Variants in RBM20 observed in about 807,000 individuals in gnomAD.
RBM20 encodes RNA binding motif protein 20, also known as RNA-binding protein 20.
RBM20 carries 51 observed loss-of-function variants against 110.1 expected under a neutral mutation model. The observed-to-expected ratio is 0.46, with a 90% CI of 0.37 to 0.59. RBM20 has a LOEUF of 0.59. RBM20 is among the 20% of genes least tolerant of loss of function. The pLI is 0.00. For missense variants in RBM20, 1,512 were observed against 1,574.9 expected (o/e 0.96, Z 0.68); for synonymous variants, 589 against 618.2 (o/e 0.95, Z 0.70).
chr10:110,819,647 C>G (rs1161019223), intron 9 of RBM20, among the ~76,000 whole-genome samples: 1 of 152,152 alleles, frequency 6.6e-6, no homozygotes, highest in Non-Finnish European at 1.5e-5. Context: ...CTATAAGTGT[C>G]CTGAATGATT....
At chr10:110,764,593 C>A (rs141826143) in intron 1 of RBM20, among the ~76,000 whole-genome samples, 3 of 152,366 alleles carry the variant, frequency 2.0e-5, no homozygotes, top group East Asian at 3.9e-4. Context: ...CGTGCTCAGG[C>A]ACTGCTCTTT....
intron 1 of RBM20, among the ~76,000 whole-genome samples, chr10:110,702,991 G>GTTTTTTTTTTTT (rs11309120): frequency 8.0e-6 from 1 of 125,214 alleles, no homozygotes; most frequent in African/African-American, 2.8e-5. Context: ...TTTTTTTCTT[G>GTTTTTTTTTTTT]TTTTTTTTTT....
chr10:110,808,554 T>A (rs985728437), intron 7 of RBM20, among the ~76,000 whole-genome samples: 1 of 152,208 alleles, frequency 6.6e-6, no homozygotes, highest in African/African-American at 2.4e-5. Context: ...AATGGGGGAT[T>A]GGCTGACTTC....
At chr10:110,677,909 C>A (rs1319955137) in intron 1 of RBM20, among the ~76,000 whole-genome samples, 1 of 152,124 alleles carries the variant, frequency 6.6e-6, no homozygotes, top group Non-Finnish European at 1.5e-5. Context: ...GATGTTGCTC[C>A]TTCACAGCTT....
At chr10:110,746,649 G>C (rs1336112303) in intron 1 of RBM20, among the ~76,000 whole-genome samples, 1 of 152,226 alleles carries the variant, frequency 6.6e-6, no homozygotes, top group African/African-American at 2.4e-5. Context: ...TGCACAGCTG[G>C]ATTGGGAGCA....
chr10:110,644,607 G>A lies in RBM20; in HGVS notation c.153G>A (p.Pro51=). The A allele has an allele frequency of 9.2e-7, 1 of 1,091,300 alleles. No individual in the cohort carries two copies. The allele number at this position is 1,091,300 out of a possible 1,614,324, so 67.6% of individuals were successfully genotyped here. ...AGCCGCCGCCGCCGCCCCAGCCACCGCCCCCGCCCCAAGCCGGCCTACCCC... is the reference window on the plus strand; with the variant it reads ...AGCCGCCGCCGCCGCCCCAGCCACCACCCCCGCCCCAAGCCGGCCTACCCC... The part of the protein sequence containing the change: ...MQQPPPPPQP[P]PPPQAGLPQI... Residue 51 remains proline (P), a synonymous_variant, in exon 1 of 14, where the codon CCG becomes CCA. Transcript: ENST00000369519. The surrounding 1 kb of genome is among the most constrained non-coding windows in gnomAD (Gnocchi z 4.3).
At chr10:110,726,027 C>T (rs1311852838) in intron 1 of RBM20, among the ~76,000 whole-genome samples, 4 of 151,934 alleles carry the variant, frequency 2.6e-5, no homozygotes, top group Non-Finnish European at 4.4e-5. Flanking sequence ...CTGACTGCCC[C>T]ATCTGCCCAC....
intron 1 of RBM20, among the ~76,000 whole-genome samples, chr10:110,770,149 T>G (rs990725441): frequency 5.9e-5 from 9 of 152,178 alleles, no homozygotes; most frequent in African/African-American, 1.7e-4. Flanking sequence ...CCCCAGATCT[T>G]CCGAGTCAGA....
chr10:110,712,119 A>C lies in RBM20; in HGVS notation c.191+67474A>C, dbSNP rs139780016. ...AATTGAATTATCATATATTTTAATT[A>C]AGATCATGTTTTATATTATTTTGTG... On this transcript the variant is annotated intron_variant, in intron 1 of 13. Transcript: ENST00000369519. 2.9e-3 allele frequency among the ~76,000 whole-genome samples: 435 copies of C among 152,350 alleles called. 6 individuals are homozygous for C. The highest frequency in any genetic ancestry group is 9.6e-3 in the African/African-American group (401 of 41,580).
chr10:110,733,985 G>C (rs1336541685), intron 1 of RBM20, among the ~76,000 whole-genome samples: 1 of 152,002 alleles, frequency 6.6e-6, no homozygotes, highest in East Asian at 1.9e-4. Flanking sequence ...GCGAATGTCT[G>C]TTAGCCACAT....
At chr10:110,811,505 G>A (rs1020554047) in intron 8 of RBM20, among the ~76,000 whole-genome samples, 4 of 152,076 alleles carry the variant, frequency 2.6e-5, no homozygotes, top group African/African-American at 7.2e-5. Context: ...TTTTAAAGAC[G>A]TGTAAAGCCA....
At chr10:110,681,063 C>G (rs1862416686) in intron 1 of RBM20, among the ~76,000 whole-genome samples, 2 of 152,198 alleles carry the variant, frequency 1.3e-5, no homozygotes, top group African/African-American at 4.8e-5. Context: ...AGAAGAGAAA[C>G]AGGGGCACCT....
chr10:110,644,643 A>C lies in RBM20; in HGVS notation c.189A>C (p.Gln63His). Reference sequence around the variant, plus strand: ...AAGCCGGCCTACCCCAGATCATCCAAAAGTAAGAAGGGAGAAGGGAACAGG... The same window carrying C: ...AAGCCGGCCTACCCCAGATCATCCACAAGTAAGAAGGGAGAAGGGAACAGG... ...PPQAGLPQII[Q>H]NAAKLLDKNP... Residue 63 changes from glutamine (Q) to histidine (H), a missense_variant and splice_region_variant, in exon 1 of 14, where the codon CAA (glutamine) becomes CAC (histidine). By Grantham distance (24) the Gln-to-His change is conservative. Around this residue, in one of 3 missense-constraint regions of RBM20, gnomAD observed 1,149 missense variants for 1,169.4 expected, o/e 0.98. Transcript: ENST00000369519. This position sits in a 1 kb window ranked among gnomAD's most constrained non-coding sequence, Gnocchi z 4.3. The C allele has an allele frequency of 1.3e-6, 2 of 1,501,064 alleles. No homozygotes were observed. Among genetic ancestry groups the C allele is most frequent in the Non-Finnish European group, 1.8e-6 (2 of 1,129,448 alleles). The allele number at this position is 1,501,064 out of a possible 1,614,324, so 93.0% of individuals were successfully genotyped here. A position where few individuals can be genotyped will look rare whatever the true frequency, so the allele number is the denominator to read the frequency against.
intron 1 of RBM20, among the ~76,000 whole-genome samples, chr10:110,693,564 TA>T (rs951823812): frequency 7.0e-4 from 106 of 152,368 alleles, no homozygotes; most frequent in African/African-American, 2.5e-3. Context: ...AATTTGTTAC[TA>T]CTGTCTGTTT....
At chr10:110,666,835 T>C (rs2134833194) in intron 1 of RBM20, among the ~76,000 whole-genome samples, 1 of 152,248 alleles carries the variant, frequency 6.6e-6, no homozygotes. Flanking sequence ...AGCTGTAATA[T>C]AAACATGGGA....
In RBM20 at chr10:110,738,830, T is replaced by C. The variant is rs953584519; in HGVS notation, c.192-41971T>C. Among the ~76,000 whole-genome samples, 9 of 152,050 alleles carry C rather than the reference T, an allele frequency of 5.9e-5. No homozygotes were observed. In the East Asian group the frequency reaches 9.7e-4, roughly 16 times the overall value. The stretch of plus-strand genomic sequence containing the variant: ...GATAGAGGAGGTGGCGAGGCTGACA[T>C]TGGGGTTGGGGCTGCAGCCTTTGTG... On this transcript the variant is annotated intron_variant, in intron 1 of 13. Coordinates refer to ENST00000369519, the MANE Select transcript of RBM20 (RefSeq NM_001134363.3).
chr10:110,724,190 G>A (rs1056594583), intron 1 of RBM20, among the ~76,000 whole-genome samples: 3 of 152,098 alleles, frequency 2.0e-5, no homozygotes, highest in Non-Finnish European at 4.4e-5. Context: ...TGCAGAACCC[G>A]TTTGTCTCTG....
intron 1 of RBM20, among the ~76,000 whole-genome samples, chr10:110,707,498 A>G (rs1862858862): frequency 6.6e-6 from 1 of 152,234 alleles, no homozygotes; most frequent in Non-Finnish European, 1.5e-5. Context: ...AAAGTTAAAC[A>G]TTTTTAAAAC....
At chr10:110,835,405 G>A (rs1196717736) in intron 13 of RBM20, 1 of 149,774 alleles carries the variant, frequency 6.7e-6, no homozygotes, top group Non-Finnish European at 1.5e-5. Context: ...GTGCGATCTC[G>A]GTTCACAGCA....
Sources: allele counts gnomAD v4.1 joint callset (sites outside exome capture counted in the v4.1 genomes callset), GRCh38; gene constraint gnomAD v4.1.1; regional missense constraint gnomAD v4.1.1; non-coding constraint Gnocchi (gnomAD v3.1); transcripts MANE v1.5; gene names NCBI Gene and HGNC (gene_info 2026-07-23, HGNC 2026-07-21).